SHISA9: variants seen among roughly 807,000 people sequenced by gnomAD.
SHISA9 encodes shisa family member 9.
A neutral mutation model predicts 38.0 loss-of-function variants in SHISA9; 13 were observed. That is an observed-to-expected ratio of 0.34 (90% CI 0.22 to 0.54). The LOEUF is 0.54. Among genes scored for constraint, SHISA9 ranks in the 20% least tolerant of loss-of-function variants. SHISA9 has a pLI of 0.91. For missense variants in SHISA9, 538 were observed against 575.8 expected, an observed-to-expected ratio of 0.93 and a Z score of 0.67; for synonymous variants, 275 against 242.0, an observed-to-expected ratio of 1.14 and a Z score of -1.27.
chr16:13,177,451 T>C lies in SHISA9; in HGVS notation c.692-25943T>C, dbSNP rs75383003. On this transcript the variant is annotated intron_variant, in intron 2 of 4. Transcript: ENST00000558583. ...TATTGCCACTGTATACAAAAATGGG[T>C]GGGGGAAAAAAACATTCAGTTCTTC... Among the ~76,000 whole-genome samples, 67 of 152,048 alleles carry C rather than the reference T, an allele frequency of 4.4e-4. No homozygotes were observed. In the East Asian group the frequency reaches 9.3e-3, roughly 21 times the overall value.
the SHISA9 span, among the ~76,000 whole-genome samples, chr16:13,518,262 G>A: frequency 6.6e-6 from 1 of 151,946 alleles, no homozygotes; most frequent in Non-Finnish European, 1.5e-5. Context: ...TGCTCTCGGT[G>A]GTTCAGAAAA....
At chr16:13,414,880 G>C in the SHISA9 span, among the ~76,000 whole-genome samples, 1 of 152,200 alleles carries the variant, frequency 6.6e-6, no homozygotes, top group African/African-American at 2.4e-5. Context: ...TGATCCACCT[G>C]CCTTGGCCTC....
the SHISA9 span, among the ~76,000 whole-genome samples, chr16:13,463,451 C>A: frequency 6.6e-6 from 1 of 152,122 alleles, no homozygotes; most frequent in Non-Finnish European, 1.5e-5. Context: ...GGCTGGAGGG[C>A]TTCACCTACT....
At chr16:13,175,102 C>T (rs1003181103) in intron 2 of SHISA9, among the ~76,000 whole-genome samples, 2 of 151,964 alleles carry the variant, frequency 1.3e-5, no homozygotes, top group African/African-American at 2.4e-5. Flanking sequence ...GTAGCTGGCT[C>T]ATGCCTGTAG....
intron 2 of SHISA9, among the ~76,000 whole-genome samples, chr16:13,010,215 A>C (rs1021178209): frequency 2.6e-5 from 4 of 152,220 alleles, no homozygotes; most frequent in Non-Finnish European, 5.9e-5. Flanking sequence ...CAATTTCAAA[A>C]AGATGAAACA....
chr16:13,468,972 G>T, the SHISA9 span, among the ~76,000 whole-genome samples: 15 of 150,880 alleles, frequency 9.9e-5, no homozygotes, highest in Admixed American at 4.0e-4. Context: ...GCTGGGCACT[G>T]TGGCTCACAC....
At chr16:13,154,112 C>G (rs1263728860) in intron 2 of SHISA9, among the ~76,000 whole-genome samples, 2 of 152,176 alleles carry the variant, frequency 1.3e-5, no homozygotes, top group Non-Finnish European at 2.9e-5. Flanking sequence ...CTATCATGTG[C>G]TGAGTTTCTT....
At chr16:13,059,093 T>C (rs1339731101) in intron 2 of SHISA9, among the ~76,000 whole-genome samples, 3 of 151,748 alleles carry the variant, frequency 2.0e-5, no homozygotes, top group Non-Finnish European at 2.9e-5. Flanking sequence ...TTATTTGATA[T>C]TATTCTTTGC....
At chr16:13,291,280 G>A in the SHISA9 span, among the ~76,000 whole-genome samples, 1 of 152,130 alleles carries the variant, frequency 6.6e-6, no homozygotes, top group East Asian at 1.9e-4. Context: ...ATCAAAGCCA[G>A]TTACTGAGCC....
the SHISA9 span, among the ~76,000 whole-genome samples, chr16:13,540,031 C>G: frequency 1.2e-4 from 18 of 152,068 alleles, 2 homozygotes; most frequent in Admixed American, 1.1e-3. Flanking sequence ...CATGTCTTTG[C>G]TATTGTGAAT....
At chr16:12,910,227 G>A (rs2071163753) in intron 1 of SHISA9, 2 of 154,016 alleles carry the variant, frequency 1.3e-5, no homozygotes, top group Non-Finnish European at 2.9e-5. Context: ...GATTCTGAGT[G>A]CCTAGTTCAG....
chr16:12,907,846 C>G (rs556764870), intron 1 of SHISA9, among the ~76,000 whole-genome samples: 20 of 152,276 alleles, frequency 1.3e-4, no homozygotes, highest in Non-Finnish European at 2.6e-4. Flanking sequence ...TTGGTTGCCA[C>G]TAAGTGATGA....
At chr16:13,049,011 T>C (rs1211829355) in intron 2 of SHISA9, among the ~76,000 whole-genome samples, 1 of 152,188 alleles carries the variant, frequency 6.6e-6, no homozygotes, top group Non-Finnish European at 1.5e-5. Flanking sequence ...GAAACATTTC[T>C]GGTCCAGTGT....
In SHISA9 at chr16:12,925,473, G is replaced by GTGTGTA. The variant is rs113968316; in HGVS notation, c.691+8658_691+8659insTGTGTA. 5.2e-3 allele frequency among the ~76,000 whole-genome samples: 780 copies of GTGTGTA among 150,598 alleles called. 10 individuals are homozygous for GTGTGTA. The highest frequency in any genetic ancestry group is 0.014 in the African/African-American group (586 of 40,990). ...TGTGTGTGTGTGTGTGTGTGTGTGT[G>GTGTGTA]CAAGCAACAGAGAAAGACAACCCTT... is the stretch of plus-strand genomic sequence containing the variant. On this transcript the variant is annotated intron_variant, in intron 2 of 4. Coordinates refer to ENST00000558583, the MANE Select transcript of SHISA9 (RefSeq NM_001145204.3).
At chr16:13,204,206 G>GTCTA (rs760365316) in intron 3 of SHISA9, among the ~76,000 whole-genome samples, 8,202 of 137,794 alleles carry the variant, frequency 0.06, 255 homozygotes, top group African/African-American at 0.093. Flanking sequence ...TTATCTGTCT[G>GTCTA]TCTGTCTATC....
At chr16:13,241,528 T>TCCCTAGGCA (rs2051435337), downstream of SHISA9, among the ~76,000 whole-genome samples, 1 of 151,498 alleles carries the variant, frequency 6.6e-6, no homozygotes, top group Admixed American at 6.6e-5. Context: ...AAAAGAAAAA[T>TCCCTAGGCA]CCCTAGGCAC....
intron 2 of SHISA9, among the ~76,000 whole-genome samples, chr16:13,131,631 G>GAA (rs61589895): frequency 8.0e-5 from 12 of 150,150 alleles, no homozygotes; most frequent in South Asian, 2.1e-4. Flanking sequence ...AAAGTTGATG[G>GAA]AAAAAAAAAG....
At chr16:13,250,222 A>C in the SHISA9 span, among the ~76,000 whole-genome samples, 2 of 152,224 alleles carry the variant, frequency 1.3e-5, no homozygotes, top group Non-Finnish European at 2.9e-5. Flanking sequence ...CCAGACCCTC[A>C]GGTGTGACAG....
Position 13,021,138 on chromosome 16 carries a change from C to T in SHISA9, c.691+104323C>T, listed in dbSNP as rs117840078. 6.6e-3 allele frequency among the ~76,000 whole-genome samples: 999 copies of T among 152,320 alleles called. 7 individuals are homozygous for T. The highest frequency in any genetic ancestry group is 0.02 in the Middle Eastern group (6 of 294). On this transcript the variant is annotated intron_variant, in intron 2 of 4. Coordinates refer to ENST00000558583, the MANE Select transcript of SHISA9 (RefSeq NM_001145204.3). Reference sequence around the variant, plus strand: ...CTGTCTCCTTGAGTGCTAGACCTCTCTCGAAGCGATGGCTCTCAACCAGGG... The same window carrying T: ...CTGTCTCCTTGAGTGCTAGACCTCTTTCGAAGCGATGGCTCTCAACCAGGG...
Sources: allele counts gnomAD v4.1 joint callset (sites outside exome capture counted in the v4.1 genomes callset), GRCh38; gene constraint gnomAD v4.1.1; transcripts MANE v1.5; gene names NCBI Gene and HGNC (gene_info 2026-07-23, HGNC 2026-07-21).